FANCM: variants seen among roughly 807,000 people sequenced by gnomAD.
FANCM encodes FA complementation group M.
FANCM carries 140 observed loss-of-function variants against 199.5 expected under a neutral mutation model. That is an observed-to-expected ratio of 0.70 (90% CI 0.61 to 0.81). FANCM has a LOEUF of 0.81. Ranked by LOEUF, FANCM falls within the 30% of genes least tolerant of loss-of-function variation. FANCM has a pLI of 0.00. For synonymous variants in FANCM, 840 were observed against 836.8 expected (o/e 1.00, Z -0.07); for missense variants, 2,410 against 2,421.4 (o/e 1.00, Z 0.10).
At chr14:45,188,130 G>T (rs1889522581) in intron 19 of FANCM, among the ~76,000 whole-genome samples, 1 of 152,174 alleles carries the variant, frequency 6.6e-6, no homozygotes, top group African/African-American at 2.4e-5. Flanking sequence ...CCGGAGGTCA[G>T]GAGTTCAAGA....
chr14:45,195,413 T>C (rs1889999532), intron 20 of FANCM: 2 of 406,564 alleles, frequency 4.9e-6, no homozygotes, highest in Non-Finnish European at 9.9e-6. Flanking sequence ...TTTTCCTTTC[T>C]GTTTTTATGG....
In FANCM at chr14:45,176,795, G is replaced by A; in HGVS notation, c.4041G>A (p.Leu1347=). ...MSTPLSKSNT[L]NSFSKIRKEI... ...CACCACTCTCTAAATCAAACACATT[G>A]AACTCATTTTCTAAGATAAGAAAGG... The change falls in exon 14 of 23, where the codon TTG becomes TTA. Residue 1347 remains leucine, a synonymous_variant. Coordinates refer to ENST00000267430, the MANE Select transcript of FANCM (RefSeq NM_020937.4). 6.2e-7 allele frequency: 1 copy of A among 1,607,466 alleles called. No homozygotes were observed. Among genetic ancestry groups the A allele is most frequent in the Non-Finnish European group, 8.5e-7 (1 of 1,176,964 alleles).
chr14:45,189,372 A>G lies in FANCM; in HGVS notation c.5340+10A>G. Reference sequence around the variant, plus strand: ...TCCAGTTCCACAGAAGGTATGGATCAAAGAAAGGAAAAATATCTTTAGATG... The same window carrying G: ...TCCAGTTCCACAGAAGGTATGGATCGAAGAAAGGAAAAATATCTTTAGATG... On this transcript the variant is annotated intron_variant, in intron 20 of 22. Transcript: ENST00000267430. 1 of 1,574,948 alleles carries G rather than the reference A, an allele frequency of 6.3e-7. No homozygotes were observed. The highest frequency in any genetic ancestry group is 8.7e-7 in the Non-Finnish European group (1 of 1,144,626).
At chr14:45,154,892 T>A (rs1356120501) in intron 7 of FANCM, 70 bp downstream of exon 7, 11 of 1,211,858 alleles carry the variant, frequency 9.1e-6, no homozygotes, top group Non-Finnish European at 1.3e-5. Flanking sequence ...GAAATTTTGC[T>A]CCTTTGATGC....
At chr14:45,154,650 T>C (rs1297522721) in intron 6 of FANCM, 47 bp from the exon 7 acceptor site, 3 of 1,189,074 alleles carry the variant, frequency 2.5e-6, no homozygotes, top group Non-Finnish European at 3.6e-6. Context: ...ATACATTTTA[T>C]CAGTTTTATT....
intron 11 of FANCM, among the ~76,000 whole-genome samples, chr14:45,169,048 A>G (rs943608600): frequency 1.3e-5 from 2 of 151,822 alleles, no homozygotes; most frequent in South Asian, 4.2e-4. Flanking sequence ...CAGCCTCCCA[A>G]GTAGCTGGGA....
At chr14:45,168,225 G>A (rs917674619) in intron 11 of FANCM, among the ~76,000 whole-genome samples, 3 of 151,960 alleles carry the variant, frequency 2.0e-5, no homozygotes, top group Non-Finnish European at 4.4e-5. Context: ...ACTCAGAGCC[G>A]TCAATCAATG....
chr14:45,163,813 C>A (rs918742039), intron 9 of FANCM, among the ~76,000 whole-genome samples: 22 of 152,260 alleles, frequency 1.4e-4, no homozygotes, highest in Middle Eastern at 3.4e-3. Flanking sequence ...AAATTGTTGA[C>A]AAATCCTTTT....
intron 16 of FANCM, among the ~76,000 whole-genome samples, chr14:45,183,061 CG>C (rs1889169198): frequency 6.6e-6 from 1 of 152,072 alleles, no homozygotes; most frequent in Non-Finnish European, 1.5e-5. Flanking sequence ...GTTGAACCAT[CG>C]TAAGTTGGGG....
intron 9 of FANCM, among the ~76,000 whole-genome samples, chr14:45,161,197 T>C (rs577453178): frequency 8.5e-5 from 13 of 152,256 alleles, no homozygotes; most frequent in Non-Finnish European, 1.9e-4. Flanking sequence ...TTTACTCATT[T>C]ATGTCAATAA....
rs748316001 is a variant in FANCM at position 45,167,182 on chromosome 14, T to C, written c.2002+19T>C. The C allele has an allele frequency of 7.0e-6, 10 of 1,438,360 alleles. No homozygotes were observed. In the East Asian group the frequency reaches 1.8e-4, roughly 26 times the overall value. 89.1% of individuals were successfully genotyped at this position (1,438,360 alleles called of 1,614,324 possible). A position where few individuals can be genotyped will look rare whatever the true frequency, so the allele number is the denominator to read the frequency against. ...AGGGATGGTAAATAAATTTTGCATT[T>C]GACACATGCATTTTTCCCCTGTTCT... On this transcript the variant is annotated intron_variant, in intron 11 of 22. Coordinates refer to ENST00000267430, the MANE Select transcript of FANCM (RefSeq NM_020937.4).
chr14:45,137,401 C>T, intron 2 of FANCM, 160 bp downstream of exon 2: 1 of 642,086 alleles, frequency 1.6e-6, no homozygotes, highest in Non-Finnish European at 2.7e-6. Flanking sequence ...TCTGTACTTT[C>T]TGTCATCCAT....
intron 20 of FANCM, 89 bp from the exon 21 acceptor site, chr14:45,196,083 C>T (rs773464018): frequency 5.9e-6 from 8 of 1,361,818 alleles, no homozygotes; most frequent in South Asian, 5.9e-5. Context: ...TGGACATTCT[C>T]ATTAAGGATA....
chr14:45,164,373 T>G lies in FANCM; in HGVS notation c.1596T>G (p.Phe532Leu). 6.2e-7 allele frequency: 1 copy of G among 1,612,560 alleles called. No individual in the cohort carries two copies. The highest frequency in any genetic ancestry group is 8.5e-7 in the Non-Finnish European group (1 of 1,179,578). Residue 532 changes from phenylalanine (F) to leucine (L), a missense_variant, in exon 10 of 23, where the codon TTT becomes TTG. Physicochemically the swap from Phe to Leu is conservative, Grantham distance 22. Coordinates refer to ENST00000267430, the MANE Select transcript of FANCM (RefSeq NM_020937.4). ...TTTTATTTTAGGTAGTGAAACAGTT[T>G]CGTGACGGTGGTTACAACACGCTGG... is the stretch of plus-strand genomic sequence containing the variant. ...QKEQLEVVKQ[F>L]RDGGYNTLVS...
At chr14:45,198,957 T>A (rs760311569) in intron 22 of FANCM, 22 bp downstream of exon 22, 1 of 1,567,040 alleles carries the variant, frequency 6.4e-7, no homozygotes, top group African/African-American at 1.4e-5. Flanking sequence ...GTAATATTTT[T>A]AAATGATTAC....
chr14:45,191,734 G>T (rs1220149625), intron 20 of FANCM, among the ~76,000 whole-genome samples: 1 of 152,094 alleles, frequency 6.6e-6, no homozygotes, highest in African/African-American at 2.4e-5. Flanking sequence ...AGAATTTTTT[G>T]AGGTAAATTT....
chr14:45,167,062 A>G lies in FANCM; in HGVS notation c.1901A>G (p.Asn634Ser), dbSNP rs1888031264. ...CCACGAATGGTTCCTGATGGAATCAACCCAAAATTACACAAAATGTTCATC... is the reference window on the plus strand; with the variant it reads ...CCACGAATGGTTCCTGATGGAATCAGCCCAAAATTACACAAAATGTTCATC... ...RSPRMVPDGI[N>S]PKLHKMFITH... The change falls in exon 11 of 23, where the codon AAC becomes AGC. Residue 634 changes from asparagine (N) to serine (S), a missense_variant. Asn to Ser is a conservative substitution (Grantham distance 46, BLOSUM62 1). Transcript: ENST00000267430. The G allele has an allele frequency of 1.2e-6, 2 of 1,613,328 alleles. No homozygotes were observed. The highest frequency in any genetic ancestry group is 2.7e-5 in the African/African-American group (2 of 75,028).
In FANCM at chr14:45,136,115, A is replaced by G. The variant is rs1292679459; in HGVS notation, c.84A>G (p.Gly28=). ...RSSGTPGCSS[G]TERPQSPGSS... is the part of the protein sequence containing the mutation. ...CTGGGACTCCGGGTTGCAGCTCCGGAACTGAGCGACCTCAGAGCCCTGGCA... is the reference window on the plus strand; with the variant it reads ...CTGGGACTCCGGGTTGCAGCTCCGGGACTGAGCGACCTCAGAGCCCTGGCA... The change falls in exon 1 of 23, where the codon GGA becomes GGG. Residue 28 remains glycine (G), a synonymous_variant. Coordinates refer to ENST00000267430, the MANE Select transcript of FANCM (RefSeq NM_020937.4). 6.2e-7 allele frequency: 1 copy of G among 1,614,006 alleles called. No homozygotes were observed. Among genetic ancestry groups the G allele is most frequent in the Non-Finnish European group, 8.5e-7 (1 of 1,180,030 alleles).
intron 16 of FANCM, among the ~76,000 whole-genome samples, chr14:45,182,092 T>A (rs1226309100): frequency 6.6e-6 from 1 of 152,184 alleles, no homozygotes; most frequent in Non-Finnish European, 1.5e-5. Context: ...AGTAAACAGA[T>A]AATTTCAGTA....
Sources: gnomAD v4.1 joint callset for allele counts (sites outside exome capture counted in the v4.1 genomes callset) on GRCh38, gnomAD v4.1.1 for gene constraint, MANE v1.5 for transcripts, NCBI Gene and HGNC (gene_info 2026-07-23, HGNC 2026-07-21) for gene names.